Variants in ACER3 observed in about 807,000 individuals in gnomAD.
ACER3 encodes alkaline ceramidase 3.
In ACER3, 16 loss-of-function variants were observed where a neutral mutation model predicts 48.9. The ratio of observed to expected loss-of-function variants is 0.33; its 90% CI spans 0.22 to 0.50. ACER3 has a LOEUF of 0.50. ACER3 is among the 20% of genes least tolerant of loss of function. The pLI is 0.98. For synonymous variants in ACER3, 109 were observed against 107.8 expected, an observed-to-expected ratio of 1.01 and a Z score of -0.07; for missense variants, 227 against 326.0, an observed-to-expected ratio of 0.70 and a Z score of 2.34.
At chr11:76,982,175 G>A (rs755868924) in intron 4 of ACER3, among the ~76,000 whole-genome samples, 1 of 145,478 alleles carries the variant, frequency 6.9e-6, no homozygotes, top group Non-Finnish European at 1.5e-5. Flanking sequence ...ATTTGTATGT[G>A]TTATATTAAG....
chr11:76,961,989 A>T lies in ACER3; in HGVS notation c.267+2958A>T, dbSNP rs945302238. Among the ~76,000 whole-genome samples the T allele has an allele frequency of 2.7e-5, 4 of 150,540 alleles. 1 individual carries two copies. The highest frequency in any genetic ancestry group is 7.5e-5 in the African/African-American group (3 of 40,024). On this transcript the variant is annotated intron_variant, in intron 3 of 10. Transcript: ENST00000532485. ...ATCACTAATGGGACAAATCAAAATT[A>T]TATGTGTTAATGGAAAAACTAAACC...
chr11:76,893,385 G>C, intron 1 of ACER3, among the ~76,000 whole-genome samples: 1 of 152,064 alleles, frequency 6.6e-6, no homozygotes, highest in East Asian at 1.9e-4. Flanking sequence ...AAATAAATAA[G>C]TAAAAGAAAA....
intron 1 of ACER3, among the ~76,000 whole-genome samples, chr11:76,875,082 T>C (rs1484914797): frequency 6.9e-6 from 1 of 145,634 alleles, no homozygotes; most frequent in Non-Finnish European, 1.5e-5. Flanking sequence ...AAAGACCAAA[T>C]TCTAACATGG....
intron 3 of ACER3, among the ~76,000 whole-genome samples, chr11:76,973,681 G>A (rs1469590249): frequency 6.6e-5 from 10 of 152,288 alleles, no homozygotes; most frequent in African/African-American, 1.9e-4. Context: ...GGCCTGTCCC[G>A]TCTTTTCACT....
intron 2 of ACER3, among the ~76,000 whole-genome samples, chr11:76,958,267 A>G (rs1230821021): frequency 6.7e-6 from 1 of 149,384 alleles, no homozygotes; most frequent in African/African-American, 2.5e-5. Flanking sequence ...GCTCACTGCA[A>G]CCTCCTTCTT....
chr11:76,946,553 G>A (rs1439041037), intron 2 of ACER3, among the ~76,000 whole-genome samples: 1 of 152,204 alleles, frequency 6.6e-6, no homozygotes, highest in Non-Finnish European at 1.5e-5. Context: ...TGGGGACTAG[G>A]TAGGGCAGGG....
At position 76,917,583 on chromosome 11, in the gene ACER3, G is replaced by A. The variant is rs186578735; in HGVS notation, c.104-8974G>A. Among the ~76,000 whole-genome samples, 27 of 151,854 alleles carry A rather than the reference G, an allele frequency of 1.8e-4. 1 individual carries two copies. The highest frequency in any genetic ancestry group is 1.6e-3 in the Admixed American group (24 of 15,240). ...CCAAAATATATATAATTGGCCAGGC[G>A]CAGTGGCTCATGCCTGTAATCTAAG... On this transcript the variant is annotated intron_variant, in intron 1 of 10. Transcript: ENST00000532485.
At chr11:77,016,021 C>T (rs1316783576) in intron 8 of ACER3, among the ~76,000 whole-genome samples, 2 of 150,626 alleles carry the variant, frequency 1.3e-5, no homozygotes, top group African/African-American at 2.4e-5. Flanking sequence ...GCAGGAGAAT[C>T]GCTTGAACTG....
chr11:76,939,665 G>C (rs991092627), intron 2 of ACER3, among the ~76,000 whole-genome samples: 3 of 152,008 alleles, frequency 2.0e-5, no homozygotes, highest in African/African-American at 7.3e-5. Flanking sequence ...ATACCAAAAA[G>C]GAAACATCAT....
chr11:76,953,555 G>A (rs1032229173), intron 2 of ACER3, among the ~76,000 whole-genome samples: 11 of 152,002 alleles, frequency 7.2e-5, no homozygotes, highest in African/African-American at 2.4e-4. Flanking sequence ...CCAAGATTGC[G>A]CCATTGCACT....
chr11:76,865,390 A>C (rs899140266), intron 1 of ACER3, among the ~76,000 whole-genome samples: 8 of 152,054 alleles, frequency 5.3e-5, no homozygotes, highest in African/African-American at 1.9e-4. Flanking sequence ...AGTTCCTTTA[A>C]TGCAAAGTTT....
intron 1 of ACER3, among the ~76,000 whole-genome samples, chr11:76,877,563 C>T (rs1945414527): frequency 6.6e-6 from 1 of 151,882 alleles, no homozygotes; most frequent in Non-Finnish European, 1.5e-5. Flanking sequence ...GGCAATCTGT[C>T]TTTGTCTCCT....
At chr11:76,934,127 G>A (rs1400376563) in intron 2 of ACER3, among the ~76,000 whole-genome samples, 1 of 151,168 alleles carries the variant, frequency 6.6e-6, no homozygotes, top group East Asian at 1.9e-4. Context: ...TCCTAGATGG[G>A]AGGGCGGCCG....
intron 1 of ACER3, among the ~76,000 whole-genome samples, chr11:76,921,864 T>C (rs542246047): frequency 6.6e-6 from 1 of 152,154 alleles, no homozygotes; most frequent in Non-Finnish European, 1.5e-5. Context: ...CTTCAGATAT[T>C]TGAAGATAGC....
At chr11:76,927,126 A>G (rs1350280941) in intron 2 of ACER3, among the ~76,000 whole-genome samples, 2 of 152,198 alleles carry the variant, frequency 1.3e-5, no homozygotes, top group East Asian at 1.9e-4. Flanking sequence ...TGTTTATACT[A>G]TGTATGTATA....
chr11:77,003,864 A>T (rs1364382474), intron 7 of ACER3, among the ~76,000 whole-genome samples: 4 of 152,030 alleles, frequency 2.6e-5, no homozygotes, highest in Non-Finnish European at 1.5e-5. Flanking sequence ...TCCTATTGTC[A>T]TTCTTGATTT....
At chr11:76,884,662 G>A (rs1360182840) in intron 1 of ACER3, among the ~76,000 whole-genome samples, 1 of 152,150 alleles carries the variant, frequency 6.6e-6, no homozygotes, top group African/African-American at 2.4e-5. Context: ...TTATTATTCT[G>A]TTAGTTTTTG....
intron 4 of ACER3, chr11:76,978,342 C>G (rs529630754): frequency 6.6e-6 from 1 of 152,444 alleles, no homozygotes; most frequent in South Asian, 2.1e-4. Flanking sequence ...CTTCCTCCCT[C>G]CCGAGCCCAT....
At chr11:76,945,530 G>A (rs750254162) in intron 2 of ACER3, among the ~76,000 whole-genome samples, 1 of 152,172 alleles carries the variant, frequency 6.6e-6, no homozygotes, top group Admixed American at 6.5e-5. Flanking sequence ...AGTTAGATGA[G>A]GCTGTGGTGA....
Sources: gnomAD v4.1 joint callset for allele counts (sites outside exome capture counted in the v4.1 genomes callset) on GRCh38, gnomAD v4.1.1 for gene constraint, MANE v1.5 for transcripts, NCBI Gene and HGNC (gene_info 2026-07-23, HGNC 2026-07-21) for gene names.